Variants in CWC27 observed in about 807,000 individuals in gnomAD.
The protein encoded by CWC27 is spliceosome-associated protein CWC27 homolog.
Under a neutral mutation model 63.6 loss-of-function variants are expected in CWC27, and 47 were observed. The ratio of observed to expected loss-of-function variants is 0.74; its 90% CI spans 0.58 to 0.94. The LOEUF is 0.94. CWC27 is among the 40% of genes least tolerant of loss of function. The pLI is 0.00. For synonymous variants in CWC27, 175 were observed against 179.8 expected, an observed-to-expected ratio of 0.97 and a Z score of 0.22; for missense variants, 495 against 554.3, an observed-to-expected ratio of 0.89 and a Z score of 1.07.
intron 2 of CWC27, among the ~76,000 whole-genome samples, chr5:64,777,693 A>G (rs138668012): frequency 1.5e-3 from 229 of 152,248 alleles, no homozygotes; most frequent in African/African-American, 5.2e-3. Flanking sequence ...ATGAACGTGC[A>G]TAATGAAATA....
intron 11 of CWC27, among the ~76,000 whole-genome samples, chr5:64,918,005 C>T (rs1747924195): frequency 1.3e-5 from 2 of 151,766 alleles, no homozygotes. Flanking sequence ...GATTAATATA[C>T]CCGATAAATT....
At chr5:64,855,865 CT>C (rs1202075873) in intron 10 of CWC27, among the ~76,000 whole-genome samples, 16 of 152,020 alleles carry the variant, frequency 1.1e-4, no homozygotes, top group Non-Finnish European at 1.8e-4. Context: ...CTCATACTTG[CT>C]TTTAGAGAAA....
chr5:64,974,436 G>A (rs1391739067), intron 12 of CWC27, among the ~76,000 whole-genome samples: 1 of 152,144 alleles, frequency 6.6e-6, no homozygotes, highest in Non-Finnish European at 1.5e-5. Flanking sequence ...GAGAGAATGA[G>A]GAAGAAGAAA....
chr5:65,006,692 G>A (rs1749847505), intron 13 of CWC27, among the ~76,000 whole-genome samples: 1 of 151,818 alleles, frequency 6.6e-6, no homozygotes, highest in South Asian at 2.1e-4. Context: ...AACAAATATA[G>A]CCACAAAATG....
Position 65,018,209 on chromosome 5 carries a change from C to G in CWC27, c.1307C>G (p.Ala436Gly), listed in dbSNP as rs1195003291. Residue 436 changes from alanine (A) to glycine (G), a missense_variant, in exon 14 of 14, where the codon GCA (alanine) becomes GGA (glycine). By Grantham distance (60) the Ala-to-Gly change is moderately conservative (BLOSUM62 0). Coordinates refer to ENST00000381070, the MANE Select transcript of CWC27 (RefSeq NM_005869.4). ...GATAAAAGCAGAAAAGTGAAAGATG[C>G]AAGCATGCAAGACTCAGATACATTT... The part of the protein sequence containing the change: ...FEDKSRKVKD[A>G]SMQDSDTFEI... 2 of 1,606,846 alleles carry G rather than the reference C, an allele frequency of 1.2e-6. No homozygotes were observed. Among genetic ancestry groups the G allele is most frequent in the African/African-American group, 1.3e-5 (1 of 74,374 alleles).
chr5:64,896,370 A>C (rs527571837), intron 11 of CWC27, among the ~76,000 whole-genome samples: 1 of 152,354 alleles, frequency 6.6e-6, no homozygotes, highest in South Asian at 2.1e-4. Flanking sequence ...GAACATGGAA[A>C]GTGGTAAATA....
Position 64,905,492 on chromosome 5 carries a change from A to G in CWC27, c.1042+19946A>G, listed in dbSNP as rs1233836783. Among the ~76,000 whole-genome samples the G allele has an allele frequency of 2.6e-5, 4 of 152,292 alleles. No individual in the cohort carries two copies. The East Asian group carries it at 5.8e-4, about 22-fold the overall frequency. ...AGCGTCTGAACTTCTATTTCTGTTT[A>G]TCTTTTAATCTGAAAATAAAAGACT... On this transcript the variant is annotated intron_variant, in intron 11 of 13. Transcript: ENST00000381070.
intron 1 of CWC27, among the ~76,000 whole-genome samples, chr5:64,771,393 T>G (rs1182400080): frequency 6.6e-6 from 1 of 152,194 alleles, no homozygotes; most frequent in East Asian, 1.9e-4. Context: ...GGGAAGTAAT[T>G]GATACATGAT....
intron 11 of CWC27, among the ~76,000 whole-genome samples, chr5:64,895,260 A>G (rs1417720409): frequency 6.6e-6 from 1 of 152,120 alleles, no homozygotes; most frequent in Non-Finnish European, 1.5e-5. Context: ...AACAGCATCT[A>G]TAGCATATGA....
intron 2 of CWC27, among the ~76,000 whole-genome samples, chr5:64,780,573 A>C (rs1160432051): frequency 6.7e-6 from 1 of 148,266 alleles, no homozygotes; most frequent in Non-Finnish European, 1.5e-5. Context: ...ATATATCAAA[A>C]TTACTTATAA....
chr5:64,829,661 T>TTA (rs397963221), intron 10 of CWC27, among the ~76,000 whole-genome samples: 4 of 149,902 alleles, frequency 2.7e-5, no homozygotes, highest in African/African-American at 9.8e-5. Flanking sequence ...TTTTTTTTTT[T>TTA]ACTATAAGTT....
chr5:64,941,800 G>A (rs1432039811), intron 11 of CWC27, among the ~76,000 whole-genome samples: 2 of 151,758 alleles, frequency 1.3e-5, no homozygotes, highest in Admixed American at 1.3e-4. Context: ...AGAGAATCCT[G>A]CTATATCAGA....
At chr5:64,972,422 A>T (rs1328161200) in intron 12 of CWC27, among the ~76,000 whole-genome samples, 1 of 152,150 alleles carries the variant, frequency 6.6e-6, no homozygotes, top group Non-Finnish European at 1.5e-5. Context: ...TCTCTTAAGC[A>T]GCCCTTCATG....
intron 11 of CWC27, among the ~76,000 whole-genome samples, chr5:64,895,240 G>A (rs1395289475): frequency 6.6e-6 from 1 of 150,798 alleles, no homozygotes; most frequent in Non-Finnish European, 1.5e-5. Context: ...ATGCATCAGA[G>A]AAAAATATGA....
At chr5:64,899,136 G>C (rs1747446544) in intron 11 of CWC27, among the ~76,000 whole-genome samples, 1 of 152,132 alleles carries the variant, frequency 6.6e-6, no homozygotes, top group South Asian at 2.1e-4. Context: ...ACTGAATTCA[G>C]GGAGAAAATT....
chr5:64,837,805 C>T (rs912598263), intron 10 of CWC27, among the ~76,000 whole-genome samples: 1 of 151,854 alleles, frequency 6.6e-6, no homozygotes, highest in Non-Finnish European at 1.5e-5. Context: ...TAGTTGTCGC[C>T]GATCATAGAA....
intron 2 of CWC27, among the ~76,000 whole-genome samples, chr5:64,781,466 A>G (rs567883429): frequency 3.9e-4 from 59 of 152,342 alleles, no homozygotes; most frequent in African/African-American, 1.3e-3. Flanking sequence ...GTCTCCATAC[A>G]GTTGACATTT....
chr5:64,845,158 T>C (rs1326340825), intron 10 of CWC27, among the ~76,000 whole-genome samples: 1 of 152,088 alleles, frequency 6.6e-6, no homozygotes, highest in African/African-American at 2.4e-5. Flanking sequence ...GCCCAGCAAA[T>C]TAGAGAACTC....
At chr5:64,942,745 T>C (rs143950890) in intron 11 of CWC27, among the ~76,000 whole-genome samples, 11 of 152,344 alleles carry the variant, frequency 7.2e-5, no homozygotes, top group African/African-American at 2.4e-4. Flanking sequence ...TGCTGCTACT[T>C]ACTCGTTACT....
Sources: gnomAD v4.1 joint callset for allele counts (sites outside exome capture counted in the v4.1 genomes callset) on GRCh38, gnomAD v4.1.1 for gene constraint, MANE v1.5 for transcripts, NCBI Gene and HGNC (gene_info 2026-07-23, HGNC 2026-07-21) for gene names.